Variants in CUX1 observed in about 807,000 individuals in gnomAD.
The protein encoded by CUX1 is protein CASP.
A neutral mutation model predicts 158.8 loss-of-function variants in CUX1; 31 were observed. The observed-to-expected ratio is 0.20, with a 90% CI of 0.15 to 0.26. CUX1 has a LOEUF of 0.26. Among genes scored for constraint, CUX1 ranks in the 10% least tolerant of loss-of-function variants. The probability of loss-of-function intolerance (pLI) is 1.00; values close to 1 mark genes in which losing one functional copy is unlikely to be tolerated. For missense variants in CUX1, 1,589 were observed against 2,014.6 expected, an observed-to-expected ratio of 0.79 and a Z score of 4.04; for synonymous variants, 879 against 862.1, an observed-to-expected ratio of 1.02 and a Z score of -0.34.
exon 23 of CUX1, chr7:102,283,600 A>G (rs77369840): frequency 6.2e-6 from 1 of 161,612 alleles, no homozygotes; most frequent in Admixed American, 5.8e-5. Flanking sequence ...CCTGCAGAGT[A>G]TATGAGGCTT....
In CUX1 at chr7:102,201,466, C is replaced by T. The variant is rs1554519689; in HGVS notation, c.2169C>T (p.Ala723=). 2 of 1,614,154 alleles carry T rather than the reference C, an allele frequency of 1.2e-6. No individual in the cohort carries two copies. The highest frequency in any genetic ancestry group is 2.2e-5 in the East Asian group (1 of 44,882). The change falls in exon 18 of 24, where the codon GCC becomes GCT. Residue 723 remains alanine, a synonymous_variant. Coordinates refer to ENST00000292535, the MANE Select transcript of CUX1 (RefSeq NM_181552.4). The surrounding 1 kb of genome is among the most constrained non-coding windows in gnomAD (Gnocchi z 5.0). ...ARREMEAQQA[A]LDPALKQAPL... ...GGGAGATGGAGGCCCAGCAGGCTGC[C>T]CTCGACCCTGCCTTAAAGCAGGCAC...
At chr7:102,223,237 AC>A in intron 20 of CUX1, among the ~76,000 whole-genome samples, 1 of 152,100 alleles carries the variant, frequency 6.6e-6, no homozygotes, top group East Asian at 2.0e-4. Context: ...AACCTGGGTA[AC>A]ATAGCAAAAC....
intron 1 of CUX1, among the ~76,000 whole-genome samples, chr7:101,912,776 G>A (rs1439514899): frequency 1.3e-5 from 2 of 152,178 alleles, no homozygotes; most frequent in Non-Finnish European, 2.9e-5. Flanking sequence ...TACATTACAG[G>A]AAAATCTGTG....
At chr7:102,128,132 C>T (rs1832847387) in intron 8 of CUX1, among the ~76,000 whole-genome samples, 1 of 152,192 alleles carries the variant, frequency 6.6e-6, no homozygotes, top group Non-Finnish European at 1.5e-5. Context: ...GCCACCACGC[C>T]CAGCCGGCTG....
chr7:101,965,990 A>C (rs1383102761), intron 2 of CUX1, among the ~76,000 whole-genome samples: 2 of 152,164 alleles, frequency 1.3e-5, no homozygotes, highest in Non-Finnish European at 2.9e-5. Flanking sequence ...CAACTGGAGA[A>C]ATTAGAACAG....
chr7:102,142,044 T>C (rs928775720), intron 8 of CUX1, among the ~76,000 whole-genome samples: 3 of 152,090 alleles, frequency 2.0e-5, no homozygotes, highest in South Asian at 4.1e-4. Flanking sequence ...AGAGACAGGT[T>C]GCCTACCATG....
chr7:102,096,780 A>T (rs180833871), intron 4 of CUX1, among the ~76,000 whole-genome samples: 2 of 152,330 alleles, frequency 1.3e-5, no homozygotes, highest in East Asian at 3.9e-4. Context: ...ATGCCAACCA[A>T]CTAGCTGGGT....
intron 2 of CUX1, among the ~76,000 whole-genome samples, chr7:101,973,076 C>G (rs955034510): frequency 1.3e-5 from 2 of 152,166 alleles, no homozygotes; most frequent in African/African-American, 4.8e-5. Flanking sequence ...TGCACCTTCT[C>G]GTACATTTCA....
intron 1 of CUX1, among the ~76,000 whole-genome samples, chr7:101,876,692 TAA>T (rs879720033): frequency 2.1e-5 from 3 of 141,614 alleles, no homozygotes; most frequent in South Asian, 4.5e-4. Flanking sequence ...AAACTCCGTC[TAA>T]AAAAAAAAAG....
At chr7:101,912,225 C>A (rs1286658061) in intron 1 of CUX1, among the ~76,000 whole-genome samples, 1 of 131,502 alleles carries the variant, frequency 7.6e-6, no homozygotes, top group Admixed American at 7.9e-5. Flanking sequence ...CCCCTCCCCT[C>A]TTCCTCCCCC....
intron 3 of CUX1, among the ~76,000 whole-genome samples, chr7:102,038,056 A>G (rs1351157031): frequency 2.0e-5 from 3 of 151,742 alleles, no homozygotes; most frequent in African/African-American, 7.3e-5. Flanking sequence ...TCTCAAAAAA[A>G]AAAAAAGCAG....
chr7:102,157,023 A>G (rs1234050008), intron 8 of CUX1, among the ~76,000 whole-genome samples: 6 of 152,190 alleles, frequency 3.9e-5, no homozygotes, highest in Non-Finnish European at 8.8e-5. Flanking sequence ...GTTCCCTGGG[A>G]CGAGAAGGCA....
At chr7:102,212,829 C>G (rs1304675734) in intron 20 of CUX1, among the ~76,000 whole-genome samples, 1 of 152,172 alleles carries the variant, frequency 6.6e-6, no homozygotes, top group Admixed American at 6.5e-5. Context: ...TCCATCAGCA[C>G]ATGGAGAATT....
chr7:102,180,884 G>T (rs967694048), intron 11 of CUX1, among the ~76,000 whole-genome samples: 1 of 149,504 alleles, frequency 6.7e-6, no homozygotes, highest in Non-Finnish European at 1.5e-5. Context: ...CAGCCAGGTC[G>T]TTTTTTTTAA....
chr7:102,029,310 C>G (rs1260811176), intron 3 of CUX1, among the ~76,000 whole-genome samples: 1 of 152,000 alleles, frequency 6.6e-6, no homozygotes, highest in African/African-American at 2.4e-5. Context: ...TATTTTCTTG[C>G]AACTGCTAAG....
At chr7:102,099,120 C>T (rs1737357564) in intron 5 of CUX1, among the ~76,000 whole-genome samples, 2 of 152,112 alleles carry the variant, frequency 1.3e-5, no homozygotes, top group African/African-American at 4.8e-5. Context: ...TGCCTAAGAC[C>T]TCCGAGCACA....
chr7:102,204,628 G>A, intron 19 of CUX1, 72 bp downstream of exon 19: 1 of 1,555,908 alleles, frequency 6.4e-7, no homozygotes, highest in Non-Finnish European at 8.7e-7. Flanking sequence ...AGCCCCACCT[G>A]GGCTATGCAG....
At chr7:102,209,024 G>A (rs1184521366) in intron 20 of CUX1, among the ~76,000 whole-genome samples, 10 of 152,332 alleles carry the variant, frequency 6.6e-5, no homozygotes, top group South Asian at 4.1e-4. Context: ...AGCGGAGTCC[G>A]TGGGGGCGGA....
chr7:102,088,486 T>A (rs961432760), intron 4 of CUX1, among the ~76,000 whole-genome samples: 8 of 151,946 alleles, frequency 5.3e-5, no homozygotes, highest in African/African-American at 1.9e-4. Context: ...AAACAAGAAT[T>A]AGCTGGGTGT....
Sources: allele counts gnomAD v4.1 joint callset (sites outside exome capture counted in the v4.1 genomes callset), GRCh38; gene constraint gnomAD v4.1.1; non-coding constraint Gnocchi (gnomAD v3.1); transcripts MANE v1.5; gene names NCBI Gene and HGNC (gene_info 2026-07-23, HGNC 2026-07-21).